The following ERBB4 variants were observed in gnomAD, a reference collection of about 807,000 sequenced individuals.
The protein encoded by ERBB4 is erb-b2 receptor tyrosine kinase 4.
Under a neutral mutation model 158.0 loss-of-function variants are expected in ERBB4, and 42 were observed. The observed-to-expected ratio is 0.27, with a 90% CI of 0.21 to 0.34. The LOEUF (loss-of-function observed/expected upper bound fraction) is 0.34, where lower values mean the gene tolerates loss of function less well. Among genes scored for constraint, ERBB4 ranks in the 10% least tolerant of loss-of-function variants. The pLI, the probability that ERBB4 is intolerant of heterozygous loss-of-function variation, is 1.00. For synonymous variants in ERBB4, 583 were observed against 558.7 expected (o/e 1.04, Z -0.61); for missense variants, 1,333 against 1,624.1 (o/e 0.82, Z 3.08).
At chr2:212,057,232 G>T (rs999034196) in intron 2 of ERBB4, among the ~76,000 whole-genome samples, 1 of 152,120 alleles carries the variant, frequency 6.6e-6, no homozygotes, top group African/African-American at 2.4e-5. Context: ...AGAGCTAACT[G>T]TTCTAAATAT....
chr2:212,119,763 G>A (rs1277067938), intron 2 of ERBB4, among the ~76,000 whole-genome samples: 5 of 152,134 alleles, frequency 3.3e-5, no homozygotes, highest in Admixed American at 6.5e-5. Context: ...GGCATGAAAG[G>A]TGTTTACAGA....
intron 17 of ERBB4, among the ~76,000 whole-genome samples, chr2:211,627,062 C>T (rs1010328699): frequency 6.6e-6 from 1 of 152,174 alleles, no homozygotes; most frequent in Non-Finnish European, 1.5e-5. Context: ...CAACACAACT[C>T]TTTTCACGGC....
At chr2:212,357,165 T>A (rs931492237) in intron 1 of ERBB4, among the ~76,000 whole-genome samples, 1 of 151,914 alleles carries the variant, frequency 6.6e-6, no homozygotes, top group African/African-American at 2.4e-5. Context: ...CATTTTCTTT[T>A]TGTTTACAAT....
At chr2:212,327,790 A>AT (rs1467544549) in intron 1 of ERBB4, among the ~76,000 whole-genome samples, 9 of 149,066 alleles carry the variant, frequency 6.0e-5, no homozygotes, top group Non-Finnish European at 1.3e-4. Flanking sequence ...TAATTGCACA[A>AT]TTAAGTCATA....
intron 1 of ERBB4, among the ~76,000 whole-genome samples, chr2:212,266,899 C>T (rs1187908072): frequency 6.6e-6 from 1 of 151,916 alleles, no homozygotes; most frequent in Non-Finnish European, 1.5e-5. Context: ...AGACATTACC[C>T]ACACTATATT....
At chr2:212,347,384 C>A (rs2089056028) in intron 1 of ERBB4, among the ~76,000 whole-genome samples, 1 of 151,932 alleles carries the variant, frequency 6.6e-6, no homozygotes, top group African/African-American at 2.4e-5. Context: ...ATATTCCTAA[C>A]TTTGTAATTT....
chr2:211,528,215 A>G (rs1373431886), intron 20 of ERBB4, among the ~76,000 whole-genome samples: 1 of 152,074 alleles, frequency 6.6e-6, no homozygotes, highest in Admixed American at 6.5e-5. Context: ...CTATATTTAT[A>G]TCAGACAAAA....
chr2:211,433,353 G>A (rs938833631), intron 20 of ERBB4, among the ~76,000 whole-genome samples: 1 of 152,076 alleles, frequency 6.6e-6, no homozygotes, highest in African/African-American at 2.4e-5. Flanking sequence ...AGGCCGAGGT[G>A]GGTGGATCAC....
chr2:212,213,301 C>T (rs540997509), intron 1 of ERBB4, among the ~76,000 whole-genome samples: 6 of 151,968 alleles, frequency 3.9e-5, no homozygotes, highest in Admixed American at 2.6e-4. Context: ...AGCCAACAAA[C>T]GTATGAAAGA....
intron 19 of ERBB4, among the ~76,000 whole-genome samples, chr2:211,563,461 T>A (rs1367983483): frequency 6.6e-6 from 1 of 152,144 alleles, no homozygotes. Flanking sequence ...TTATTTAAAA[T>A]GTCAATATTA....
In ERBB4 at chr2:211,878,652, G is replaced by GTTTTTTTTTTTT. The variant is rs150312098; in HGVS notation, c.421+68777_421+68778insAAAAAAAAAAAA. On this transcript the variant is annotated intron_variant, in intron 3 of 27. Transcript: ENST00000342788. ...AGGAAAAAAAATTAAGACAAATTAA[G>GTTTTTTTTTTTT]TTTTGTTTTTTTTTTTTTCCTTGAG... 2.0e-5 allele frequency among the ~76,000 whole-genome samples: 2 copies of GTTTTTTTTTTTT among 99,162 alleles called. 1 individual carries two copies. Among genetic ancestry groups the GTTTTTTTTTTTT allele is most frequent in the African/African-American group, 7.2e-5 (2 of 27,970 alleles). 65.1% of individuals were successfully genotyped at this position (99,162 alleles called of 152,430 possible).
chr2:211,815,931 C>T (rs2076872733), intron 3 of ERBB4, among the ~76,000 whole-genome samples: 1 of 152,142 alleles, frequency 6.6e-6, no homozygotes, highest in Non-Finnish European at 1.5e-5. Context: ...TTTGAACTTG[C>T]ACCAGCTGCC....
rs2062724593 is a variant in ERBB4 at position 211,388,052 on chromosome 2, T to TA, written c.3136-61dup. On this transcript the variant is annotated intron_variant, in intron 25 of 27. Coordinates refer to ENST00000342788, the MANE Select transcript of ERBB4 (RefSeq NM_005235.3). ...TAAGAGGCAATATGAATGAAAAAATTAAAAAAAGAAACGAAAAAGAAAAGC... is the reference window on the plus strand; with the variant it reads ...TAAGAGGCAATATGAATGAAAAAATTAAAAAAAAGAAACGAAAAAGAAAAGC... 7 of 1,303,952 alleles carry TA rather than the reference T, an allele frequency of 5.4e-6. No individual in the cohort carries two copies. The East Asian group carries it at 9.2e-5, about 17-fold the overall frequency. The allele number at this position is 1,303,952 out of a possible 1,614,324, so 80.8% of individuals were successfully genotyped here. A position where few individuals can be genotyped will look rare whatever the true frequency, so the allele number is the denominator to read the frequency against.
Position 212,343,392 on chromosome 2 carries a change from A to G in ERBB4, c.82+195057T>C, listed in dbSNP as rs531524816. 8.5e-5 allele frequency among the ~76,000 whole-genome samples: 13 copies of G among 152,258 alleles called. No individual in the cohort carries two copies. In the East Asian group the frequency reaches 1.9e-3, roughly 23 times the overall value. On this transcript the variant is annotated intron_variant, in intron 1 of 27. Coordinates refer to ENST00000342788, the MANE Select transcript of ERBB4 (RefSeq NM_005235.3). ...AGTATTCAGGTGAAATTAAATTGCT[A>G]ATTTTGTTCAGTCATTTTGATGCTA...
At chr2:211,589,759 T>C (rs1158967653) in intron 19 of ERBB4, among the ~76,000 whole-genome samples, 1 of 152,178 alleles carries the variant, frequency 6.6e-6, no homozygotes, top group Non-Finnish European at 1.5e-5. Context: ...GATCATTAAC[T>C]ATAAAAAAAA....
chr2:212,456,733 TG>T (rs1688306997), intron 1 of ERBB4, among the ~76,000 whole-genome samples: 1 of 152,034 alleles, frequency 6.6e-6, no homozygotes, highest in Non-Finnish European at 1.5e-5. Context: ...GAGCAAGAAA[TG>T]TTTTTTATCA....
chr2:211,788,818 A>G (rs1281851798), intron 3 of ERBB4, among the ~76,000 whole-genome samples: 2 of 152,200 alleles, frequency 1.3e-5, no homozygotes, highest in African/African-American at 4.8e-5. Flanking sequence ...TAATGCCTCA[A>G]TCACAAAAAT....
intron 1 of ERBB4, among the ~76,000 whole-genome samples, chr2:212,525,384 T>G (rs1203725725): frequency 6.6e-6 from 1 of 151,928 alleles, no homozygotes; most frequent in South Asian, 2.1e-4. Context: ...AAATTAACCT[T>G]GAAATAACCA....
intron 2 of ERBB4, among the ~76,000 whole-genome samples, chr2:212,047,703 C>T (rs939771041): frequency 1.1e-4 from 17 of 150,038 alleles, no homozygotes; most frequent in East Asian, 3.9e-4. Flanking sequence ...AGGCTGGTCT[C>T]GAACTCCTGA....
Sources: gnomAD v4.1 joint callset for allele counts (sites outside exome capture counted in the v4.1 genomes callset) on GRCh38, gnomAD v4.1.1 for gene constraint, MANE v1.5 for transcripts, NCBI Gene and HGNC (gene_info 2026-07-23, HGNC 2026-07-21) for gene names.